The following GALNT17 variants were observed in gnomAD, a reference collection of about 807,000 sequenced individuals.
GALNT17 encodes polypeptide N-acetylgalactosaminyltransferase 17, also known as UDP-GalNAc:polypeptide N-acetylgalactosaminyltransferase-like 3.
Under a neutral mutation model 63.7 loss-of-function variants are expected in GALNT17, and 29 were observed. That is an observed-to-expected ratio of 0.46 (90% confidence interval 0.34 to 0.62). GALNT17 has a LOEUF of 0.62. GALNT17 is among the 20% of genes least tolerant of loss of function. The probability of loss-of-function intolerance (pLI) is 0.01; values close to 1 mark genes in which losing one functional copy is unlikely to be tolerated. For synonymous variants in GALNT17, 305 were observed against 318.3 expected (o/e 0.96, Z 0.45); for missense variants, 603 against 799.6 (o/e 0.75, Z 2.97).
chr7:71,304,482 G>A (rs1238759236), intron 1 of GALNT17, among the ~76,000 whole-genome samples: 1 of 152,084 alleles, frequency 6.6e-6, no homozygotes, highest in African/African-American at 2.4e-5. Flanking sequence ...AACGGAGAAG[G>A]TTTTGATGAC....
intron 2 of GALNT17, among the ~76,000 whole-genome samples, chr7:71,350,850 T>C (rs1377178628): frequency 6.6e-6 from 1 of 152,126 alleles, no homozygotes; most frequent in Non-Finnish European, 1.5e-5. Flanking sequence ...AGCTCAAAAC[T>C]CTGGCAGCGG....
At chr7:71,145,641 TATTTTC>T (rs1788005836) in intron 1 of GALNT17, among the ~76,000 whole-genome samples, 1 of 152,198 alleles carries the variant, frequency 6.6e-6, no homozygotes, top group East Asian at 1.9e-4. Flanking sequence ...AAGCTTGGTT[TATTTTC>T]ATTTCTCCCC....
chr7:71,356,125 C>T (rs1249776348), intron 2 of GALNT17, among the ~76,000 whole-genome samples: 1 of 152,042 alleles, frequency 6.6e-6, no homozygotes, highest in African/African-American at 2.4e-5. Context: ...TACAGACGCC[C>T]ACCACCACAT....
At chr7:71,175,288 A>G (rs989495951) in intron 1 of GALNT17, among the ~76,000 whole-genome samples, 3 of 151,770 alleles carry the variant, frequency 2.0e-5, no homozygotes, top group Admixed American at 1.3e-4. Context: ...CCATTCATCT[A>G]TCTATTATCT....
At chr7:71,684,469 G>A (rs142917486) in intron 9 of GALNT17, among the ~76,000 whole-genome samples, 1 of 152,236 alleles carries the variant, frequency 6.6e-6, no homozygotes, top group East Asian at 1.9e-4. Flanking sequence ...TGAACAGTGC[G>A]GCATACAATG....
At chr7:71,426,140 A>G (rs1247211750) in intron 5 of GALNT17, among the ~76,000 whole-genome samples, 1 of 152,202 alleles carries the variant, frequency 6.6e-6, no homozygotes, top group East Asian at 1.9e-4. Context: ...AACACTAGGG[A>G]TTACAATTCA....
At chr7:71,259,165 A>G (rs1166453497) in intron 1 of GALNT17, among the ~76,000 whole-genome samples, 1 of 152,072 alleles carries the variant, frequency 6.6e-6, no homozygotes, top group Non-Finnish European at 1.5e-5. Context: ...CCTCTTTTTC[A>G]TCCTAAATCT....
intron 4 of GALNT17, among the ~76,000 whole-genome samples, chr7:71,419,122 G>T (rs1187561064): frequency 6.6e-6 from 1 of 152,170 alleles, no homozygotes; most frequent in Non-Finnish European, 1.5e-5. Flanking sequence ...AAGGTCTTCT[G>T]CCTCCATACT....
intron 5 of GALNT17, among the ~76,000 whole-genome samples, chr7:71,535,510 G>T (rs1329186409): frequency 6.6e-6 from 1 of 152,126 alleles, no homozygotes; most frequent in African/African-American, 2.4e-5. Flanking sequence ...ATAAAATCGA[G>T]TACATTTCCT....
intron 3 of GALNT17, among the ~76,000 whole-genome samples, chr7:71,415,007 TTTTA>T (rs1420002918): frequency 6.6e-6 from 1 of 152,050 alleles, no homozygotes; most frequent in Non-Finnish European, 1.5e-5. Context: ...ATGCCTTTAG[TTTTA>T]TTTATTCTTA....
At chr7:71,678,767 C>T (rs150403459) in intron 9 of GALNT17, among the ~76,000 whole-genome samples, 2,765 of 149,162 alleles carry the variant, frequency 0.019, 86 homozygotes, top group African/African-American at 0.063. Context: ...TGCACTCCAG[C>T]CTGTGCGACA....
intron 4 of GALNT17, 97 bp downstream of exon 4, chr7:71,416,160 A>G: frequency 6.5e-6 from 9 of 1,385,866 alleles, no homozygotes; most frequent in Non-Finnish European, 7.8e-6. Context: ...TGTTACCTGT[A>G]GTGGCACTGG....
rs147278880 is a variant in GALNT17 at position 71,412,664 on chromosome 7, C to T, written c.590-3225C>T. On this transcript the variant is annotated intron_variant, in intron 3 of 10. Transcript: ENST00000333538. Reference sequence around the variant, plus strand: ...CATTGTCGTGGTTCAGCTGCCTACCCCAGAATGTCCTCTGGCCCCCTCAAC... The same window carrying T: ...CATTGTCGTGGTTCAGCTGCCTACCTCAGAATGTCCTCTGGCCCCCTCAAC... 9.1e-3 allele frequency among the ~76,000 whole-genome samples: 1,390 copies of T among 152,294 alleles called. 24 individuals are homozygous for T. The highest frequency in any genetic ancestry group is 0.032 in the African/African-American group (1,330 of 41,560).
At chr7:71,581,914 T>G (rs1789641651) in intron 6 of GALNT17, among the ~76,000 whole-genome samples, 2 of 152,104 alleles carry the variant, frequency 1.3e-5, no homozygotes, top group Admixed American at 1.3e-4. Flanking sequence ...GAGTTGGCTA[T>G]TCTCCATTCC....
chr7:71,563,497 A>G (rs1029311212), intron 5 of GALNT17, among the ~76,000 whole-genome samples: 1 of 152,220 alleles, frequency 6.6e-6, no homozygotes, highest in African/African-American at 2.4e-5. Flanking sequence ...TTATCAGTCC[A>G]GGCAGGTAGC....
chr7:71,712,284 G>A lies in GALNT17; in HGVS notation c.*138G>A. On this transcript the variant is annotated 3_prime_UTR_variant, in exon 11 of 11. Transcript: ENST00000333538. ...GGCCCCCCAGGGCTTCTCCAGGGCA[G>A]CACAGGGACCCCGGATGAAGACTCT... 2 of 1,203,932 alleles carry A rather than the reference G, an allele frequency of 1.7e-6. No individual in the cohort carries two copies. Among genetic ancestry groups the A allele is most frequent in the Non-Finnish European group, 2.2e-6 (2 of 892,654 alleles). The allele number at this position is 1,203,932 out of a possible 1,614,324, so 74.6% of individuals were successfully genotyped here. A position where few individuals can be genotyped will look rare whatever the true frequency, so the allele number is the denominator to read the frequency against.
intron 1 of GALNT17, among the ~76,000 whole-genome samples, chr7:71,160,588 A>G (rs1470330024): frequency 6.6e-6 from 1 of 152,062 alleles, no homozygotes; most frequent in Admixed American, 6.6e-5. Flanking sequence ...CCTCCCAAGT[A>G]GCTGGGATTA....
chr7:71,398,438 A>T (rs1443180563), intron 3 of GALNT17, among the ~76,000 whole-genome samples: 1 of 152,068 alleles, frequency 6.6e-6, no homozygotes, highest in Non-Finnish European at 1.5e-5. Flanking sequence ...ATTCTCTGAA[A>T]GCTCCTTTTA....
At chr7:71,625,110 T>C (rs1790352825) in intron 6 of GALNT17, among the ~76,000 whole-genome samples, 1 of 151,946 alleles carries the variant, frequency 6.6e-6, no homozygotes, top group South Asian at 2.1e-4. Context: ...ACCAAGTCCA[T>C]GTCACTTCTT....
Sources: allele counts gnomAD v4.1 joint callset (sites outside exome capture counted in the v4.1 genomes callset), GRCh38; gene constraint gnomAD v4.1.1; transcripts MANE v1.5; gene names NCBI Gene and HGNC (gene_info 2026-07-23, HGNC 2026-07-21).